UNC5C: variants seen among roughly 807,000 people sequenced by gnomAD.
The protein encoded by UNC5C is netrin receptor UNC5C.
UNC5C carries 47 observed loss-of-function variants against 99.8 expected under a neutral mutation model. The observed-to-expected ratio is 0.47, with a 90% CI of 0.37 to 0.60. UNC5C has a LOEUF of 0.60. Ranked by LOEUF, UNC5C falls within the 20% of genes least tolerant of loss-of-function variation. UNC5C has a pLI of 0.00. For missense variants in UNC5C, 1,062 were observed against 1,165.9 expected, an observed-to-expected ratio of 0.91 and a Z score of 1.30; for synonymous variants, 487 against 452.2, an observed-to-expected ratio of 1.08 and a Z score of -0.98.
intron 1 of UNC5C, among the ~76,000 whole-genome samples, chr4:95,361,842 G>A (rs1474787434): frequency 1.3e-5 from 2 of 151,920 alleles, no homozygotes; most frequent in Non-Finnish European, 2.9e-5. Flanking sequence ...TGAACCAAAG[G>A]CTCAAAAAAT....
Position 95,340,612 on chromosome 4 carries a change from A to G in UNC5C, c.125-4981T>C, listed in dbSNP as rs145588881. Among the ~76,000 whole-genome samples, 820 of 152,286 alleles carry G rather than the reference A, an allele frequency of 5.4e-3. 8 individuals are homozygous for G. The highest frequency in any genetic ancestry group is 0.019 in the African/African-American group (783 of 41,574). On this transcript the variant is annotated intron_variant, in intron 1 of 15. Coordinates refer to ENST00000453304, the MANE Select transcript of UNC5C (RefSeq NM_003728.4). The stretch of plus-strand genomic sequence containing the variant: ...AAGTCGTTGACTACATAATGCCTTA[A>G]ATGTATTGCACAACTTGGAAGTACT...
chr4:95,277,089 G>T (rs1005851481), intron 4 of UNC5C, among the ~76,000 whole-genome samples: 2 of 152,038 alleles, frequency 1.3e-5, no homozygotes, highest in Non-Finnish European at 2.9e-5. Flanking sequence ...AAAACTATGA[G>T]AAGTAAAATA....
chr4:95,175,872 C>T (rs1443278562), intron 14 of UNC5C, among the ~76,000 whole-genome samples: 1 of 151,804 alleles, frequency 6.6e-6, no homozygotes, highest in African/African-American at 2.4e-5. Context: ...CCATCACTTT[C>T]AGGTACACCA....
intron 2 of UNC5C, among the ~76,000 whole-genome samples, chr4:95,332,478 C>T (rs1292785036): frequency 6.7e-6 from 1 of 150,262 alleles, no homozygotes; most frequent in African/African-American, 2.4e-5. Context: ...GGAAAGGATT[C>T]CCTATTTAAT....
Position 95,202,929 on chromosome 4 carries a change from G to T in UNC5C, c.1938C>A (p.Thr646=), listed in dbSNP as rs1737739521. The T allele has an allele frequency of 1.2e-6, 2 of 1,614,048 alleles. No individual in the cohort carries two copies. The highest frequency in any genetic ancestry group is 1.1e-5 in the South Asian group (1 of 91,090). The change falls in exon 12 of 16, where the codon ACC becomes ACA. Residue 646 remains threonine (T), a synonymous_variant. Transcript: ENST00000453304. ...VVVVGEENFT[T]PCYIQLDAEA... is the part of the protein sequence containing the mutation. ...CTGCATCCAGCTGAATGTAGCAGGG[G>T]GTGGTGAAGTTTTCCTCCCCGACCA...
At chr4:95,483,070 A>G (rs1046098608) in intron 1 of UNC5C, among the ~76,000 whole-genome samples, 1 of 150,304 alleles carries the variant, frequency 6.7e-6, no homozygotes, top group African/African-American at 2.4e-5. Context: ...TAAAAAAAAA[A>G]AGTACCAGCC....
At position 95,167,129 on chromosome 4, in the gene UNC5C, G is replaced by A. The variant is rs1427508724; in HGVS notation, c.*2105C>T. On this transcript the variant is annotated 3_prime_UTR_variant, in exon 16 of 16. Coordinates refer to ENST00000453304, the MANE Select transcript of UNC5C (RefSeq NM_003728.4). ...ATCTCAAGATGCTACCAAAATAGGA[G>A]CGGAAACATGGAAAGATGGAAGCAC... 4 of 152,190 alleles carry A rather than the reference G, an allele frequency of 2.6e-5. No individual in the cohort carries two copies. Among genetic ancestry groups the A allele is most frequent in the Non-Finnish European group, 4.4e-5 (3 of 68,040 alleles). 9.4% of individuals were successfully genotyped at this position (152,190 alleles called of 1,614,324 possible).
chr4:95,466,999 T>C (rs1747801763), intron 1 of UNC5C, among the ~76,000 whole-genome samples: 1 of 152,098 alleles, frequency 6.6e-6, no homozygotes, highest in African/African-American at 2.4e-5. Context: ...ATTTGCTCCA[T>C]GGAAGCCAGC....
Position 95,301,593 on chromosome 4 carries a change from T to C in UNC5C, c.490+13A>G. On this transcript the variant is annotated intron_variant, in intron 3 of 15. Transcript: ENST00000453304. ...CTTCTGAGACCCAAGGTGCTTATTGTACAATGACTCACATGCAATGCGCAC... is the reference window on the plus strand; with the variant it reads ...CTTCTGAGACCCAAGGTGCTTATTGCACAATGACTCACATGCAATGCGCAC... The C allele has an allele frequency of 6.2e-7, 1 of 1,613,956 alleles. No homozygotes were observed. The highest frequency in any genetic ancestry group is 8.5e-7 in the Non-Finnish European group (1 of 1,179,910).
At chr4:95,207,383 C>A (rs1168763343) in intron 10 of UNC5C, among the ~76,000 whole-genome samples, 2 of 152,110 alleles carry the variant, frequency 1.3e-5, no homozygotes, top group Non-Finnish European at 2.9e-5. Context: ...AAAATGAGAT[C>A]TCTTGTATAG....
At chr4:95,297,943 ACT>A (rs1741721263) in intron 3 of UNC5C, among the ~76,000 whole-genome samples, 1 of 152,086 alleles carries the variant, frequency 6.6e-6, no homozygotes, top group Non-Finnish European at 1.5e-5. Flanking sequence ...GACTCTGATG[ACT>A]CTGCTAATGG....
chr4:95,547,307 T>C (rs1723096265), intron 1 of UNC5C, among the ~76,000 whole-genome samples: 1 of 152,098 alleles, frequency 6.6e-6, no homozygotes, highest in South Asian at 2.1e-4. Context: ...AAGCTATCGC[T>C]AATTCACAAA....
chr4:95,205,211 CGTT>C (rs1737829882), intron 11 of UNC5C, among the ~76,000 whole-genome samples: 1 of 152,050 alleles, frequency 6.6e-6, no homozygotes, highest in Admixed American at 6.6e-5. Context: ...TTGTTAATGT[CGTT>C]GTTATTGTAA....
intron 1 of UNC5C, among the ~76,000 whole-genome samples, chr4:95,370,919 G>T (rs1744728946): frequency 6.6e-6 from 1 of 152,172 alleles, no homozygotes; most frequent in Non-Finnish European, 1.5e-5. Flanking sequence ...GCGGTCTGTA[G>T]AGGGAAAGCT....
chr4:95,369,728 G>A (rs997065422), intron 1 of UNC5C, among the ~76,000 whole-genome samples: 2 of 151,988 alleles, frequency 1.3e-5, no homozygotes, highest in African/African-American at 2.4e-5. Context: ...AATGTAACTG[G>A]GGCCGCTATA....
Position 95,190,302 on chromosome 4 carries a change from G to T in UNC5C, c.2137-5106C>A, listed in dbSNP as rs1165850448. Among the ~76,000 whole-genome samples the T allele has an allele frequency of 4.6e-5, 6 of 131,460 alleles. No individual in the cohort carries two copies. The East Asian group carries it at 1.5e-3, about 32-fold the overall frequency. 86.2% of individuals were successfully genotyped at this position (131,460 alleles called of 152,430 possible). On this transcript the variant is annotated intron_variant, in intron 12 of 15. Transcript: ENST00000453304. ...GGGAATTGAACAATGAGAACACAGG[G>T]ACACAGGAAGGGGAACATCACACAC...
At chr4:95,389,168 C>T (rs1469962156) in intron 1 of UNC5C, among the ~76,000 whole-genome samples, 1 of 152,054 alleles carries the variant, frequency 6.6e-6, no homozygotes. Context: ...ATTTATAAAG[C>T]AGGGCACATG....
At chr4:95,318,073 G>C (rs1159824871) in intron 2 of UNC5C, among the ~76,000 whole-genome samples, 9 of 152,154 alleles carry the variant, frequency 5.9e-5, no homozygotes, top group African/African-American at 2.2e-4. Context: ...AGCCTGGGAG[G>C]ACAGCAGAGG....
chr4:95,185,703 C>T (rs1736803040), intron 12 of UNC5C, among the ~76,000 whole-genome samples: 1 of 152,020 alleles, frequency 6.6e-6, no homozygotes, highest in African/African-American at 2.4e-5. Context: ...ACATTTAGTT[C>T]AATCTCTTAT....
Sources: gnomAD v4.1 joint callset for allele counts (sites outside exome capture counted in the v4.1 genomes callset) on GRCh38, gnomAD v4.1.1 for gene constraint, MANE v1.5 for transcripts, NCBI Gene and HGNC (gene_info 2026-07-23, HGNC 2026-07-21) for gene names.